Variants in FHIT observed in about 807,000 individuals in gnomAD.
FHIT encodes the protein fragile histidine triad diadenosine triphosphatase, also known as bis(5'-adenosyl)-triphosphatase.
A neutral mutation model predicts 17.9 loss-of-function variants in FHIT; 19 were observed. That is an observed-to-expected ratio of 1.06 (90% CI 0.74 to 1.56). The LOEUF (loss-of-function observed/expected upper bound fraction) is 1.56. FHIT is among the 40% of genes most tolerant of loss of function. FHIT has a pLI of 0.00. For missense variants in FHIT, 248 were observed against 189.2 expected (o/e 1.31, Z -1.82); for synonymous variants, 81 against 69.7 (o/e 1.16, Z -0.81).
intron 5 of FHIT, among the ~76,000 whole-genome samples, chr3:60,464,601 G>C (rs1318493857): frequency 2.0e-5 from 3 of 152,070 alleles, no homozygotes; most frequent in African/African-American, 4.8e-5. Flanking sequence ...AAAGAAGTGA[G>C]AACATGTGAT....
chr3:61,019,032 A>C (rs1378493678), intron 3 of FHIT, among the ~76,000 whole-genome samples: 2 of 152,226 alleles, frequency 1.3e-5, no homozygotes, highest in Non-Finnish European at 2.9e-5. Context: ...TTAAAAGACA[A>C]TTTCTGATTT....
chr3:61,009,630 A>G (rs567823097), intron 3 of FHIT, among the ~76,000 whole-genome samples: 8 of 152,284 alleles, frequency 5.3e-5, no homozygotes, highest in African/African-American at 1.7e-4. Flanking sequence ...CTTCCTAACA[A>G]TCTCACTACC....
chr3:60,965,292 A>C (rs1229485482), intron 3 of FHIT, among the ~76,000 whole-genome samples: 1 of 152,174 alleles, frequency 6.6e-6, no homozygotes, highest in African/African-American at 2.4e-5. Flanking sequence ...CAGGTCATTT[A>C]AGTTCTTCTC....
chr3:61,042,310 T>C (rs138509005), intron 2 of FHIT, among the ~76,000 whole-genome samples: 9 of 152,200 alleles, frequency 5.9e-5, no homozygotes, highest in Non-Finnish European at 1.3e-4. Flanking sequence ...TAAAAGCATA[T>C]AACCTACCTG....
At chr3:61,219,112 A>G (rs994058198) in intron 1 of FHIT, among the ~76,000 whole-genome samples, 1 of 152,204 alleles carries the variant, frequency 6.6e-6, no homozygotes, top group Non-Finnish European at 1.5e-5. Flanking sequence ...TGCTGTAAGT[A>G]ATTATAACAC....
chr3:59,756,943 T>C (rs575059859), intron 8 of FHIT, among the ~76,000 whole-genome samples: 2 of 152,334 alleles, frequency 1.3e-5, no homozygotes, highest in African/African-American at 2.4e-5. Context: ...AAGTGTGTCA[T>C]AGTTTAATTG....
intron 4 of FHIT, among the ~76,000 whole-genome samples, chr3:60,701,551 G>A (rs2041248245): frequency 6.6e-6 from 1 of 152,066 alleles, no homozygotes; most frequent in Non-Finnish European, 1.5e-5. Flanking sequence ...CTTTTGCTGA[G>A]TCAGTTCCTG....
intron 5 of FHIT, among the ~76,000 whole-genome samples, chr3:60,027,086 G>A (rs1202020021): frequency 6.8e-6 from 1 of 145,988 alleles, no homozygotes; most frequent in Non-Finnish European, 1.5e-5. Context: ...GTGACAGAGT[G>A]AGTAAGACTG....
chr3:61,137,353 C>A (rs2036947676), intron 2 of FHIT, among the ~76,000 whole-genome samples: 1 of 150,000 alleles, frequency 6.7e-6, no homozygotes, highest in Non-Finnish European at 1.5e-5. Context: ...CTAAATCCTA[C>A]CCATTCTTCA....
At chr3:61,153,496 C>T (rs2037453309) in intron 2 of FHIT, among the ~76,000 whole-genome samples, 2 of 152,124 alleles carry the variant, frequency 1.3e-5, no homozygotes, top group African/African-American at 2.4e-5. Context: ...TTTCTTTGGC[C>T]TCAAACTGCT....
chr3:60,644,282 ATT>A (rs1307408674), intron 4 of FHIT, among the ~76,000 whole-genome samples: 1 of 152,144 alleles, frequency 6.6e-6, no homozygotes, highest in African/African-American at 2.4e-5. Context: ...GCCCCACAAT[ATT>A]TTTGTTTTCT....
At chr3:60,409,686 G>A (rs995547642) in intron 5 of FHIT, among the ~76,000 whole-genome samples, 1 of 152,118 alleles carries the variant, frequency 6.6e-6, no homozygotes, top group Non-Finnish European at 1.5e-5. Context: ...TACATCTAAA[G>A]TCATACTTCC....
At chr3:60,187,107 G>C (rs1188842629) in intron 5 of FHIT, among the ~76,000 whole-genome samples, 1 of 152,076 alleles carries the variant, frequency 6.6e-6, no homozygotes, top group Non-Finnish European at 1.5e-5. Context: ...GTCCTGTGGG[G>C]GATCAAATGG....
intron 5 of FHIT, among the ~76,000 whole-genome samples, chr3:60,333,092 T>C (rs1387597859): frequency 6.6e-6 from 1 of 152,180 alleles, no homozygotes; most frequent in Non-Finnish European, 1.5e-5. Flanking sequence ...GGGAGCCATT[T>C]ACCAGCCACG....
intron 4 of FHIT, among the ~76,000 whole-genome samples, chr3:60,540,604 G>C (rs2036155414): frequency 6.6e-6 from 1 of 152,218 alleles, no homozygotes; most frequent in African/African-American, 2.4e-5. Flanking sequence ...CACAGTAGTA[G>C]TCTTTGCTGA....
At chr3:61,094,309 G>T (rs1195968129) in intron 2 of FHIT, among the ~76,000 whole-genome samples, 1 of 152,160 alleles carries the variant, frequency 6.6e-6, no homozygotes. Flanking sequence ...AGATCTGGGA[G>T]TTTGAATTCT....
At chr3:60,668,361 G>T (rs1228938959) in intron 4 of FHIT, among the ~76,000 whole-genome samples, 2 of 110,102 alleles carry the variant, frequency 1.8e-5, no homozygotes, top group Non-Finnish European at 3.5e-5. Context: ...AGGGACATCC[G>T]CTCAATCAGG....
At chr3:60,833,787 A>T (rs1702420112) in intron 3 of FHIT, among the ~76,000 whole-genome samples, 1 of 152,076 alleles carries the variant, frequency 6.6e-6, no homozygotes, top group African/African-American at 2.4e-5. Context: ...AGCCACACCC[A>T]CTTCCCTCCC....
intron 5 of FHIT, among the ~76,000 whole-genome samples, chr3:60,381,113 T>C (rs1700781946): frequency 6.6e-6 from 1 of 152,136 alleles, no homozygotes; most frequent in African/African-American, 2.4e-5. Context: ...TACCCATATA[T>C]TGTATTCCCG....
Sources: allele counts gnomAD v4.1 joint callset (sites outside exome capture counted in the v4.1 genomes callset), GRCh38; gene constraint gnomAD v4.1.1; transcripts MANE v1.5; gene names NCBI Gene and HGNC (gene_info 2026-07-23, HGNC 2026-07-21).